The following ZDHHC21 variants were observed in gnomAD, a reference collection of about 807,000 sequenced individuals.
The protein encoded by ZDHHC21 is zDHHC palmitoyltransferase 21, also known as palmitoyltransferase ZDHHC21.
In ZDHHC21, 15 loss-of-function variants were observed where a neutral mutation model predicts 34.6. The observed-to-expected ratio is 0.43, with a 90% CI of 0.29 to 0.67. ZDHHC21 has a LOEUF of 0.67. Among genes scored for constraint, ZDHHC21 ranks in the 30% least tolerant of loss-of-function variants. The pLI is 0.14. For synonymous variants in ZDHHC21, 142 were observed against 101.8 expected (o/e 1.40, Z -2.38); for missense variants, 344 against 327.7 (o/e 1.05, Z -0.38).
intron 7 of ZDHHC21, among the ~76,000 whole-genome samples, chr9:14,653,508 A>C (rs958136414): frequency 6.6e-6 from 1 of 151,716 alleles, no homozygotes; most frequent in African/African-American, 2.4e-5. Context: ...AATTTTACTA[A>C]AGATTTGCCC....
In ZDHHC21 at chr9:14,662,256, G is replaced by C. The variant is rs766038748; in HGVS notation, c.324C>G (p.Arg108=). 6.2e-7 allele frequency: 1 copy of C among 1,612,936 alleles called. No homozygotes were observed. The highest frequency in any genetic ancestry group is 1.3e-5 in the African/African-American group (1 of 74,872). The change falls in exon 6 of 10, where the codon CGC becomes CGG. Residue 108 remains arginine, a synonymous_variant. Transcript: ENST00000380916. ...CCATTCTCCTCACACAGTGGCCGCA[G>C]CGGCTACAGTGATGGGAACGCTTTG... ...MRPKRSHHCS[R]CGHCVRRMDH...
chr9:14,614,071 T>G lies in ZDHHC21; in HGVS notation c.*4895A>C, dbSNP rs1443998201. ...CCATAAAAATGGTATAAATAAGAGATAAGGCTAAAATGATTACAGCAAAGA... is the reference window on the plus strand; with the variant it reads ...CCATAAAAATGGTATAAATAAGAGAGAAGGCTAAAATGATTACAGCAAAGA... On this transcript the variant is annotated 3_prime_UTR_variant, in exon 10 of 10. Coordinates refer to ENST00000380916, the MANE Select transcript of ZDHHC21 (RefSeq NM_178566.6). 6.6e-6 allele frequency: 1 copy of G among 151,758 alleles called. No individual in the cohort carries two copies. The highest frequency in any genetic ancestry group is 2.4e-5 in the African/African-American group (1 of 41,408). 9.4% of individuals were successfully genotyped at this position (151,758 alleles called of 1,614,324 possible). A position where few individuals can be genotyped will look rare whatever the true frequency, so the allele number is the denominator to read the frequency against.
intron 8 of ZDHHC21, among the ~76,000 whole-genome samples, chr9:14,629,375 T>A (rs566872536): frequency 4.6e-5 from 7 of 152,232 alleles, no homozygotes; most frequent in Admixed American, 2.0e-4. Context: ...AATTAACATG[T>A]TGATAGAAGG....
At chr9:14,590,690 A>T in the ZDHHC21 span, among the ~76,000 whole-genome samples, 1 of 152,152 alleles carries the variant, frequency 6.6e-6, no homozygotes, top group Non-Finnish European at 1.5e-5. Flanking sequence ...AATTTTTCAG[A>T]CAAACAGATG....
chr9:14,596,497 C>G, the ZDHHC21 span, among the ~76,000 whole-genome samples: 5 of 152,246 alleles, frequency 3.3e-5, no homozygotes, highest in African/African-American at 1.2e-4. Context: ...GCCACCTCTC[C>G]AAGAGCAGAG....
intron 7 of ZDHHC21, among the ~76,000 whole-genome samples, chr9:14,658,495 C>T (rs1485114417): frequency 1.9e-4 from 3 of 15,868 alleles, no homozygotes; most frequent in African/African-American, 5.4e-4. Context: ...TTTTTTGAGA[C>T]GGAGTCTCGC....
intron 2 of ZDHHC21, among the ~76,000 whole-genome samples, chr9:14,681,475 T>C (rs1022832544): frequency 2.6e-5 from 4 of 152,214 alleles, no homozygotes; most frequent in African/African-American, 9.6e-5. Flanking sequence ...TGAAAATCAC[T>C]GTTAAACCAT....
intron 2 of ZDHHC21, among the ~76,000 whole-genome samples, chr9:14,688,113 G>A (rs576274861): frequency 7.9e-6 from 1 of 126,672 alleles, no homozygotes; most frequent in South Asian, 2.5e-4. Flanking sequence ...ATTATCAACA[G>A]ATTAAAAAAT....
At chr9:14,619,773 A>G (rs2133426746) in intron 8 of ZDHHC21, 91 bp from the exon 9 acceptor site, 1 of 737,944 alleles carries the variant, frequency 1.4e-6, no homozygotes, top group East Asian at 4.0e-5. Flanking sequence ...TCTTATTCCA[A>G]AAATATTCTA....
chr9:14,657,412 G>C (rs1281441976), intron 7 of ZDHHC21, among the ~76,000 whole-genome samples: 2 of 152,064 alleles, frequency 1.3e-5, no homozygotes, highest in Non-Finnish European at 2.9e-5. Flanking sequence ...TAAACAATGT[G>C]TCAAAACTTA....
chr9:14,597,400 G>A, the ZDHHC21 span, among the ~76,000 whole-genome samples: 1 of 152,166 alleles, frequency 6.6e-6, no homozygotes, highest in Non-Finnish European at 1.5e-5. Context: ...AATGGACAGT[G>A]CAGTGGACCA....
chr9:14,682,158 T>G (rs543312591), intron 2 of ZDHHC21, among the ~76,000 whole-genome samples: 1 of 152,154 alleles, frequency 6.6e-6, no homozygotes, highest in Non-Finnish European at 1.5e-5. Context: ...CCAGCTAACA[T>G]CATAATGACA....
chr9:14,674,489 A>G (rs1475819480), intron 3 of ZDHHC21, 104 bp from the exon 4 acceptor site: 2 of 609,364 alleles, frequency 3.3e-6, no homozygotes. Flanking sequence ...TTCTTTGCAT[A>G]TTTGACATTT....
intron 7 of ZDHHC21, 133 bp downstream of exon 7, chr9:14,658,616 C>T (rs1346830264): frequency 6.8e-6 from 4 of 585,188 alleles, no homozygotes; most frequent in Admixed American, 3.2e-5. Flanking sequence ...GGACTACAGG[C>T]GCCCGCCACC....
At chr9:14,664,283 A>C (rs1833964971) in intron 5 of ZDHHC21, among the ~76,000 whole-genome samples, 2 of 152,144 alleles carry the variant, frequency 1.3e-5, no homozygotes, top group African/African-American at 4.8e-5. Context: ...TCCCACCCTA[A>C]TACTGCGCTT....
At chr9:14,678,151 T>C (rs1483960446) in intron 3 of ZDHHC21, among the ~76,000 whole-genome samples, 1 of 152,080 alleles carries the variant, frequency 6.6e-6, no homozygotes, top group African/African-American at 2.4e-5. Flanking sequence ...ATTTGAAATT[T>C]TTCCTGGCAC....
In ZDHHC21 at chr9:14,674,203, T is replaced by C. The variant is rs765848068; in HGVS notation, c.138A>G (p.Pro46=). 49 of 1,517,758 alleles carry C rather than the reference T, an allele frequency of 3.2e-5. No individual in the cohort carries two copies. In the Admixed American group the frequency reaches 3.9e-4, roughly 12 times the overall value. The allele number at this position is 1,517,758 out of a possible 1,614,324, so 94.0% of individuals were successfully genotyped here. A position where few individuals can be genotyped will look rare whatever the true frequency, so the allele number is the denominator to read the frequency against. ...GAAACTTACTTATTATTAATATGCC[T>C]GGAATATGTCCTTCTTCATAGTGAG... ...LFPHYEEGHI[P]GILIIIFYGI... The change falls in exon 4 of 10, where the codon CCA becomes CCG. Residue 46 remains proline, a synonymous_variant. Coordinates refer to ENST00000380916, the MANE Select transcript of ZDHHC21 (RefSeq NM_178566.6).
chr9:14,614,762 C>G lies in ZDHHC21; in HGVS notation c.*4204G>C, dbSNP rs767742257. The G allele has an allele frequency of 6.6e-6, 1 of 151,640 alleles. No homozygotes were observed. Among genetic ancestry groups the G allele is most frequent in the Non-Finnish European group, 1.5e-5 (1 of 67,686 alleles). 9.4% of individuals were successfully genotyped at this position (151,640 alleles called of 1,614,324 possible). On this transcript the variant is annotated 3_prime_UTR_variant, in exon 10 of 10. Coordinates refer to ENST00000380916, the MANE Select transcript of ZDHHC21 (RefSeq NM_178566.6). ...GTACATGGCTTATTTGCTACACTTACCAATACTTATATTTTTAAAGCAGTA... is the reference window on the plus strand; with the variant it reads ...GTACATGGCTTATTTGCTACACTTAGCAATACTTATATTTTTAAAGCAGTA...
At chr9:14,625,067 T>C (rs183198943) in intron 8 of ZDHHC21, among the ~76,000 whole-genome samples, 1 of 152,130 alleles carries the variant, frequency 6.6e-6, no homozygotes, top group East Asian at 1.9e-4. Flanking sequence ...TTAGCACCTC[T>C]GATTAGTATA....
Sources: gnomAD v4.1 joint callset for allele counts (sites outside exome capture counted in the v4.1 genomes callset) on GRCh38, gnomAD v4.1.1 for gene constraint, MANE v1.5 for transcripts, NCBI Gene and HGNC (gene_info 2026-07-23, HGNC 2026-07-21) for gene names.